The following ZNF718 variants were observed in gnomAD, a reference collection of about 807,000 sequenced individuals.
The protein encoded by ZNF718 is zinc finger protein 718.
A neutral mutation model predicts 2.6 loss-of-function variants in ZNF718; 3 were observed. The observed-to-expected ratio is 1.16, with a 90% confidence interval of 0.53 to 3.01. The LOEUF (loss-of-function observed/expected upper bound fraction) is 3.01, where lower values mean the gene tolerates loss of function less well. ZNF718 is among the 30% of genes most tolerant of loss of function. ZNF718 has a pLI of 0.03. For synonymous variants in ZNF718, 135 were observed against 77.9 expected (o/e 1.73, Z -3.86); for missense variants, 468 against 230.0 (o/e 2.03, Z -6.69).
chr4:184,200 G>A (rs1717520651), intron 3 of ZNF718, among the ~76,000 whole-genome samples: 1 of 152,052 alleles, frequency 6.6e-6, no homozygotes, highest in Non-Finnish European at 1.5e-5. Flanking sequence ...TTAGTTTATT[G>A]AGAGTTTTTA....
intron 3 of ZNF718, among the ~76,000 whole-genome samples, chr4:173,409 C>T (rs1482623295): frequency 1.3e-5 from 2 of 152,112 alleles, no homozygotes; most frequent in Non-Finnish European, 2.9e-5. Flanking sequence ...ATAATTATTT[C>T]CACCAAAATC....
chr4:192,303 C>A lies in ZNF718; in HGVS notation c.227-8778C>A, dbSNP rs192672976. 1.5e-3 allele frequency among the ~76,000 whole-genome samples: 233 copies of A among 152,288 alleles called. 1 individual carries two copies. The highest frequency in any genetic ancestry group is 2.4e-3 in the Non-Finnish European group (162 of 68,022). ...GGGGTTGCCACTCCCTGCTTGAATGCCTGGGTTTATATCCCAATCATTGTC... is the reference window on the plus strand; with the variant it reads ...GGGGTTGCCACTCCCTGCTTGAATGACTGGGTTTATATCCCAATCATTGTC... On this transcript the variant is annotated intron_variant and NMD_transcript_variant, in intron 3 of 4. Coordinates refer to the ZNF718 transcript ENST00000642529.
intron 3 of ZNF718, among the ~76,000 whole-genome samples, chr4:190,523 CAA>C (rs1214053924): frequency 2.7e-5 from 4 of 150,472 alleles, no homozygotes; most frequent in African/African-American, 9.8e-5. Context: ...TATAAGGTGA[CAA>C]ATCTTATTTG....
intron 3 of ZNF718, among the ~76,000 whole-genome samples, chr4:186,655 C>T (rs1428213393): frequency 6.6e-6 from 1 of 152,148 alleles, no homozygotes; most frequent in African/African-American, 2.4e-5. Context: ...TCAGAAAGGA[C>T]AGTCTTCAAG....
At chr4:176,115 C>G (rs1411272066) in intron 3 of ZNF718, among the ~76,000 whole-genome samples, 2 of 152,130 alleles carry the variant, frequency 1.3e-5, no homozygotes, top group Non-Finnish European at 2.9e-5. Flanking sequence ...CTTATAAGCT[C>G]TAATTGCCCA....
chr4:170,745 C>G (rs781725540), intron 3 of ZNF718, among the ~76,000 whole-genome samples: 3 of 152,002 alleles, frequency 2.0e-5, no homozygotes, highest in Admixed American at 6.6e-5. Flanking sequence ...GTTAGCCATT[C>G]GTCTAATTTT....
At chr4:142,553 A>G (rs1429294977) in intron 3 of ZNF718, among the ~76,000 whole-genome samples, 1 of 152,224 alleles carries the variant, frequency 6.6e-6, no homozygotes, top group Admixed American at 6.5e-5. Flanking sequence ...GAGGGGCATC[A>G]TTTGTTAGGT....
rs544458242 is a variant in ZNF718 at position 161,674 on chromosome 4, A to G, written c.989A>G (p.Lys330Arg). ...FTTSSDFAKHKRIHTGEKPYK... is the reference protein window; with the variant it reads ...FTTSSDFAKHRRIHTGEKPYK... ...ACATCCTCAGACTTTGCTAAACATA[A>G]GAGAATTCATACAGGAGAGAAACCC... The change falls in exon 4 of 4, where the codon AAG becomes AGG. Residue 330 changes from lysine to arginine, a missense_variant. By Grantham distance (26) the Lys-to-Arg change is conservative. Transcript: ENST00000510175. The G allele has an allele frequency of 2.6e-4, 201 of 779,526 alleles. 2 individuals carry two copies. The highest frequency in any genetic ancestry group is 2.6e-3 in the South Asian group (192 of 74,518). 48.3% of individuals were successfully genotyped at this position (779,526 alleles called of 1,614,324 possible).
rs1426631353 is a variant in ZNF718, at chr4:128,477, T to C, written c.4-2311T>C. 1.9e-5 allele frequency among the ~76,000 whole-genome samples: 2 copies of C among 103,158 alleles called. 1 individual carries two copies. The highest frequency in any genetic ancestry group is 4.3e-5 in the Non-Finnish European group (2 of 46,438). 67.7% of individuals were successfully genotyped at this position (103,158 alleles called of 152,430 possible). A position where few individuals can be genotyped will look rare whatever the true frequency, so the allele number is the denominator to read the frequency against. On this transcript the variant is annotated intron_variant, in intron 1 of 3. Transcript: ENST00000510175. ...TACCTTCCTCCTCTATACTGTGTTATGGGAGTAGAGTACTTTTGTCCTTCT... is the reference window on the plus strand; with the variant it reads ...TACCTTCCTCCTCTATACTGTGTTACGGGAGTAGAGTACTTTTGTCCTTCT...
intron 3 of ZNF718, among the ~76,000 whole-genome samples, chr4:136,195 C>T (rs1281220221): frequency 3.3e-5 from 5 of 152,088 alleles, no homozygotes; most frequent in Non-Finnish European, 5.9e-5. Context: ...AGGCCAAGTA[C>T]CAGGTGTATG....
intron 1 of ZNF718, among the ~76,000 whole-genome samples, chr4:126,795 GGAAAATTTTTTTAGGATTGGA>G (rs1715239143): frequency 6.6e-6 from 1 of 150,708 alleles, no homozygotes; most frequent in Non-Finnish European, 1.5e-5. Flanking sequence ...CTATTATGGT[GGAAAATTTTTTTAGGATTGGA>G]GATAATTTTT....
At chr4:124,710 G>A (rs781856011) in intron 1 of ZNF718, 37 bp downstream of exon 1, 11 of 1,607,192 alleles carry the variant, frequency 6.8e-6, no homozygotes, top group African/African-American at 1.3e-5. Context: ...AGGCTGTGGA[G>A]GCCTCATCGG....
intron 3 of ZNF718, among the ~76,000 whole-genome samples, chr4:144,027 G>C (rs1715933012): frequency 6.6e-6 from 1 of 152,040 alleles, no homozygotes; most frequent in Admixed American, 6.5e-5. Context: ...GCTATAACAG[G>C]AAATATCCTC....
At chr4:200,030 G>T (rs1560135362) in intron 3 of ZNF718, among the ~76,000 whole-genome samples, 1 of 152,178 alleles carries the variant, frequency 6.6e-6, no homozygotes, top group Admixed American at 6.5e-5. Flanking sequence ...AAATCTGTTT[G>T]CCAGTATGAC....
chr4:165,735 G>A (rs1193868652), downstream of ZNF718, among the ~76,000 whole-genome samples: 1 of 152,166 alleles, frequency 6.6e-6, no homozygotes, highest in Non-Finnish European at 1.5e-5. Context: ...GGAGGTGGAG[G>A]TTGCAGTGAG....
At position 127,505 on chromosome 4, in the gene ZNF718, C is replaced by T. The variant is rs1317348622; in HGVS notation, c.3+2832C>T. Reference sequence around the variant, plus strand: ...GATTAAACTTGAGAACTTCAATTCTCTCCCTCCTCCCTTTGCCCAAATGCC... The same window carrying T: ...GATTAAACTTGAGAACTTCAATTCTTTCCCTCCTCCCTTTGCCCAAATGCC... On this transcript the variant is annotated intron_variant, in intron 1 of 3. Transcript: ENST00000510175. Among the ~76,000 whole-genome samples, 2 of 104,650 alleles carry T rather than the reference C, an allele frequency of 1.9e-5. 1 individual carries two copies. The highest frequency in any genetic ancestry group is 4.3e-5 in the Non-Finnish European group (2 of 46,824). 68.7% of individuals were successfully genotyped at this position (104,650 alleles called of 152,430 possible).
chr4:193,390 A>G (rs1470627306), intron 3 of ZNF718, among the ~76,000 whole-genome samples: 2 of 152,038 alleles, frequency 1.3e-5, no homozygotes, highest in Non-Finnish European at 2.9e-5. Context: ...CTTTCTCTCC[A>G]TATTGCTGTG....
At chr4:137,680 A>G (rs782195376) in intron 3 of ZNF718, among the ~76,000 whole-genome samples, 10 of 151,982 alleles carry the variant, frequency 6.6e-5, no homozygotes, top group Non-Finnish European at 1.3e-4. Context: ...TTTGTTAATC[A>G]TATTACTTAC....
chr4:163,390 G>A lies in ZNF718; in HGVS notation c.*1268G>A, dbSNP rs1401178697. 6 of 152,014 alleles carry A rather than the reference G, an allele frequency of 3.9e-5. No individual in the cohort carries two copies. The highest frequency in any genetic ancestry group is 1.9e-4 in the East Asian group (1 of 5,182). 9.4% of individuals were successfully genotyped at this position (152,014 alleles called of 1,614,324 possible). A position where few individuals can be genotyped will look rare whatever the true frequency, so the allele number is the denominator to read the frequency against. On this transcript the variant is annotated 3_prime_UTR_variant, in exon 4 of 4. Transcript: ENST00000510175. ...TTTTTAGTAGAGACGGGGTTTCACC[G>A]TTTTAGCCGGGATGGTCTCGATCTC...
Sources: gnomAD v4.1 joint callset for allele counts (sites outside exome capture counted in the v4.1 genomes callset) on GRCh38, gnomAD v4.1.1 for gene constraint, MANE v1.5 for transcripts, NCBI Gene and HGNC (gene_info 2026-07-23, HGNC 2026-07-21) for gene names.